Variants in VCL observed in about 807,000 individuals in gnomAD.
VCL encodes epididymis luminal protein 114.
In VCL, 47 loss-of-function variants were observed where a neutral mutation model predicts 125.7. The observed-to-expected ratio is 0.37, with a 90% CI of 0.30 to 0.48. The LOEUF (loss-of-function observed/expected upper bound fraction) is 0.48, where lower values mean the gene tolerates loss of function less well. Among genes scored for constraint, VCL ranks in the 20% least tolerant of loss-of-function variants. The probability of loss-of-function intolerance (pLI) is 0.99; values close to 1 mark genes in which losing one functional copy is unlikely to be tolerated. For synonymous variants in VCL, 458 were observed against 514.6 expected, an observed-to-expected ratio of 0.89 and a Z score of 1.49; for missense variants, 1,069 against 1,455.5, an observed-to-expected ratio of 0.73 and a Z score of 4.32.
At chr10:74,032,535 C>CA (rs1443125888) in intron 1 of VCL, among the ~76,000 whole-genome samples, 2 of 150,976 alleles carry the variant, frequency 1.3e-5, no homozygotes, top group Admixed American at 1.3e-4. Flanking sequence ...CTGTCTCTAC[C>CA]AAAAAAATAC....
rs117035170 is a variant in VCL at position 74,094,530 on chromosome 10, G to A, written c.1543+69G>A. On this transcript the variant is annotated intron_variant, in intron 11 of 21. Coordinates refer to ENST00000211998, the MANE Select transcript of VCL (RefSeq NM_014000.3). Reference sequence around the variant, plus strand: ...TGCAAATAAGCAAGTTGTTGATAGGGGTCCTGTAACATCTGTAATTAGGTA... The same window carrying A: ...TGCAAATAAGCAAGTTGTTGATAGGAGTCCTGTAACATCTGTAATTAGGTA... 930 of 1,547,068 alleles carry A rather than the reference G, an allele frequency of 6.0e-4. 14 individuals carry two copies. In the East Asian group the frequency reaches 0.016, roughly 26 times the overall value.
At chr10:74,108,110 C>A (rs946501626) in intron 17 of VCL, among the ~76,000 whole-genome samples, 1 of 152,170 alleles carries the variant, frequency 6.6e-6, no homozygotes, top group Non-Finnish European at 1.5e-5. Flanking sequence ...ATTGTGTCAT[C>A]GCACACACAG....
At chr10:74,101,912 C>T (rs1400526338) in intron 14 of VCL, among the ~76,000 whole-genome samples, 1 of 146,904 alleles carries the variant, frequency 6.8e-6, no homozygotes, top group Non-Finnish European at 1.5e-5. Context: ...GTCACCCAGG[C>T]TGGAGTCCAA....
In VCL at chr10:74,111,929, G is replaced by A; in HGVS notation, c.2766G>A (p.Glu922=). Residue 922 remains glutamate, a synonymous_variant, in exon 19 of 22, where the codon GAG becomes GAA. Coordinates refer to ENST00000211998, the MANE Select transcript of VCL (RefSeq NM_014000.3). ...CAAAGCCGGGCATCCCAGCCGCTGA[G>A]GTGGGTATAGGTGTTGTAGCTGAGG... The part of the protein sequence containing the change: ...WSSKPGIPAA[E]VGIGVVAEAD... The A allele has an allele frequency of 6.2e-7, 1 of 1,614,226 alleles. No individual in the cohort carries two copies. Among genetic ancestry groups the A allele is most frequent in the Non-Finnish European group, 8.5e-7 (1 of 1,180,046 alleles).
chr10:74,013,716 AG>A (rs1161656338), intron 1 of VCL, among the ~76,000 whole-genome samples: 2 of 152,186 alleles, frequency 1.3e-5, no homozygotes, highest in Non-Finnish European at 1.5e-5. Flanking sequence ...TGTAAAACAA[AG>A]GTAAAGATAG....
chr10:74,002,895 AAAG>A (rs1840254897), intron 1 of VCL, among the ~76,000 whole-genome samples: 1 of 151,238 alleles, frequency 6.6e-6, no homozygotes, highest in Non-Finnish European at 1.5e-5. Context: ...AAAAAAAAAA[AAAG>A]AAAGACATTA....
At chr10:74,000,769 A>G (rs1840211708) in intron 1 of VCL, among the ~76,000 whole-genome samples, 1 of 152,214 alleles carries the variant, frequency 6.6e-6, no homozygotes, top group Admixed American at 6.5e-5. Flanking sequence ...GGCCTTAGTT[A>G]GGAAACACTG....
intron 2 of VCL, among the ~76,000 whole-genome samples, chr10:74,051,876 A>T (rs1426519085): frequency 1.3e-5 from 2 of 152,190 alleles, no homozygotes; most frequent in African/African-American, 2.4e-5. Flanking sequence ...AGCAACTTTT[A>T]TTGAAGCAGC....
rs370879754 is a variant in VCL at position 73,998,148 on chromosome 10, C to T, written c.-60C>T. ...GCACAGTCTGTCTCTTCGCCGGTTC[C>T]CGGCCCCGTGGATCCTACTTCTCTG... On this transcript the variant is annotated 5_prime_UTR_variant, in exon 1 of 22. Transcript: ENST00000211998. 1.1e-4 allele frequency: 171 copies of T among 1,584,574 alleles called. No individual in the cohort carries two copies. The South Asian group carries it at 1.7e-3, about 16-fold the overall frequency.
chr10:74,095,357 G>A (rs1441705681), intron 11 of VCL, among the ~76,000 whole-genome samples: 2 of 152,172 alleles, frequency 1.3e-5, no homozygotes, highest in Non-Finnish European at 2.9e-5. Flanking sequence ...TTGGGAGGCC[G>A]AGGTGGGTGG....
At chr10:74,070,519 A>G in intron 2 of VCL, 151 bp from the exon 3 acceptor site, 1 of 1,110,262 alleles carries the variant, frequency 9.0e-7, no homozygotes, top group Non-Finnish European at 1.3e-6. Flanking sequence ...TGTAAAATCT[A>G]AAAACGTAGG....
In VCL at chr10:74,071,136, C is replaced by G. The variant is rs1017507693; in HGVS notation, c.499+53C>G. ...TTTTTAAGGATTGTCCATGTTGGAGCCAAAGGAAAGGGTACCCTCTTCCTA... is the reference window on the plus strand; with the variant it reads ...TTTTTAAGGATTGTCCATGTTGGAGGCAAAGGAAAGGGTACCCTCTTCCTA... On this transcript the variant is annotated intron_variant, in intron 4 of 21. Transcript: ENST00000211998. The surrounding 1 kb of genome is among the most constrained non-coding windows in gnomAD (Gnocchi z 4.1). The G allele has an allele frequency of 1.3e-6, 2 of 1,566,330 alleles. No individual in the cohort carries two copies. The highest frequency in any genetic ancestry group is 1.7e-5 in the Admixed American group (1 of 59,828).
intron 2 of VCL, among the ~76,000 whole-genome samples, chr10:74,060,104 G>C (rs186767644): frequency 1.8e-4 from 27 of 152,054 alleles, no homozygotes; most frequent in Admixed American, 3.9e-4. Flanking sequence ...CAAGACCAGT[G>C]TGGGCAACAT....
At chr10:74,089,471 A>G in intron 9 of VCL, 122 bp downstream of exon 9, 1 of 1,426,626 alleles carries the variant, frequency 7.0e-7, no homozygotes, top group Admixed American at 1.9e-5. Context: ...TTTCTAAGTG[A>G]TGAGTGACTT....
At chr10:74,082,631 A>T in intron 7 of VCL, 87 bp downstream of exon 7, 1 of 1,357,358 alleles carries the variant, frequency 7.4e-7, no homozygotes, top group Non-Finnish European at 1.0e-6. Flanking sequence ...CCATAATCTC[A>T]TCATCTGAGA....
Position 74,111,923 on chromosome 10 carries a change from C to T in VCL, c.2760C>T (p.Ala920=), listed in dbSNP as rs138594604. The change falls in exon 19 of 22, where the codon GCC becomes GCT. Residue 920 remains alanine, a synonymous_variant. Transcript: ENST00000211998. ...CATCGACAAAGCCGGGCATCCCAGC[C>T]GCTGAGGTGGGTATAGGTGTTGTAG... The part of the protein sequence containing the change: ...RKWSSKPGIP[A]AEVGIGVVAE... 1.9e-5 allele frequency: 31 copies of T among 1,614,214 alleles called. No homozygotes were observed. Among genetic ancestry groups the T allele is most frequent in the Middle Eastern group, 1.6e-4 (1 of 6,062 alleles).
chr10:74,035,301 C>A (rs1402459974), intron 1 of VCL, among the ~76,000 whole-genome samples: 1 of 150,892 alleles, frequency 6.6e-6, no homozygotes, highest in Non-Finnish European at 1.5e-5. Context: ...TCTACATTAC[C>A]AAACCAAATC....
chr10:74,005,703 A>C (rs922834269), intron 1 of VCL, among the ~76,000 whole-genome samples: 1 of 152,220 alleles, frequency 6.6e-6, no homozygotes, highest in African/African-American at 2.4e-5. Context: ...AAATCTGCAG[A>C]TACTCAAGTT....
chr10:74,105,230 G>A lies in VCL; in HGVS notation c.2311G>A (p.Val771Met). 1 of 1,614,196 alleles carries A rather than the reference G, an allele frequency of 6.2e-7. No individual in the cohort carries two copies. Among genetic ancestry groups the A allele is most frequent in the Non-Finnish European group, 8.5e-7 (1 of 1,180,046 alleles). ...GATCCTGCTGGTGGCTAAGAGGGAG[G>A]TGGAGAATTCCGAGGATCCCAAGTT... ...NRILLVAKRE[V>M]ENSEDPKFRE... is the part of the protein sequence containing the mutation. Residue 771 changes from valine to methionine, a missense_variant, in exon 16 of 22, where the codon GTG becomes ATG. Transcript: ENST00000211998.
Sources: allele counts gnomAD v4.1 joint callset (sites outside exome capture counted in the v4.1 genomes callset), GRCh38; gene constraint gnomAD v4.1.1; non-coding constraint Gnocchi (gnomAD v3.1); transcripts MANE v1.5; gene names NCBI Gene and HGNC (gene_info 2026-07-23, HGNC 2026-07-21).